Variants in GPR141 observed in about 807,000 individuals in gnomAD.
GPR141 encodes probable G protein-coupled receptor 141.
In GPR141, 6 loss-of-function variants were observed where a neutral mutation model predicts 6.8. The observed-to-expected ratio is 0.88, with a 90% CI of 0.48 to 1.74. GPR141 has a LOEUF of 1.74. Ranked by LOEUF, GPR141 falls within the 40% of genes most tolerant of loss-of-function variation. The probability of loss-of-function intolerance (pLI) is 0.01; values close to 1 mark genes in which losing one functional copy is unlikely to be tolerated. For synonymous variants in GPR141, 140 were observed against 142.3 expected (o/e 0.98, Z 0.11); for missense variants, 372 against 372.9 (o/e 1.00, Z 0.02).
intron 2 of GPR141, among the ~76,000 whole-genome samples, chr7:37,702,806 C>A (rs1434435535): frequency 4.2e-3 from 52 of 12,382 alleles, no homozygotes; most frequent in East Asian, 0.024. Context: ...CAGTTCAATT[C>A]AAAAAAAAAA....
chr7:37,723,284 T>G (rs761769924), intron 2 of GPR141, among the ~76,000 whole-genome samples: 13 of 152,080 alleles, frequency 8.5e-5, no homozygotes, highest in Non-Finnish European at 7.4e-5. Flanking sequence ...TGAGCCACCG[T>G]GCCTGGCCTA....
chr7:37,699,526 AC>A (rs1810180623), intron 2 of GPR141, among the ~76,000 whole-genome samples: 1 of 152,206 alleles, frequency 6.6e-6, no homozygotes, highest in African/African-American at 2.4e-5. Context: ...GTGCCACTGC[AC>A]TCCAGCCTGG....
intron 2 of GPR141, among the ~76,000 whole-genome samples, chr7:37,736,495 GAA>G (rs56403860): frequency 6.3e-4 from 82 of 129,412 alleles, no homozygotes; most frequent in African/African-American, 8.8e-4. Flanking sequence ...ATAAACAGAG[GAA>G]AAAAAAAAAA....
intron 2 of GPR141, among the ~76,000 whole-genome samples, chr7:37,700,395 A>G (rs1810226246): frequency 6.6e-6 from 1 of 152,216 alleles, no homozygotes; most frequent in Admixed American, 6.5e-5. Flanking sequence ...GGCAAAGCAT[A>G]GCATAATAAC....
rs903138531 is a variant in GPR141 at position 37,699,380 on chromosome 7, T to C, written c.-15+13797T>C. Among the ~76,000 whole-genome samples the C allele has an allele frequency of 1.3e-5, 2 of 152,142 alleles. 1 individual carries two copies. ...ATCAAGACCATCCTGGCTAACACGGTGAAACCCCATTTCTACTAAAAATAC... is the reference window on the plus strand; with the variant it reads ...ATCAAGACCATCCTGGCTAACACGGCGAAACCCCATTTCTACTAAAAATAC... On this transcript the variant is annotated intron_variant, in intron 2 of 2. Transcript: ENST00000334425.
At chr7:37,712,563 C>A (rs1810854125) in intron 2 of GPR141, among the ~76,000 whole-genome samples, 1 of 152,124 alleles carries the variant, frequency 6.6e-6, no homozygotes, top group Non-Finnish European at 1.5e-5. Flanking sequence ...GTCAAGAACA[C>A]CAGGTCATGA....
chr7:37,691,193 T>C (rs1809743523), intron 2 of GPR141, among the ~76,000 whole-genome samples: 1 of 151,772 alleles, frequency 6.6e-6, no homozygotes, highest in Non-Finnish European at 1.5e-5. Flanking sequence ...TTCTAGTCTA[T>C]CTGTATTATT....
At chr7:37,702,061 TTG>T in intron 2 of GPR141, among the ~76,000 whole-genome samples, 1 of 152,310 alleles carries the variant, frequency 6.6e-6, no homozygotes, top group South Asian at 2.1e-4. Context: ...CTTGTTTGGT[TTG>T]TGTTTTGTCA....
chr7:37,695,831 A>G (rs1809991696), intron 2 of GPR141, among the ~76,000 whole-genome samples: 1 of 152,230 alleles, frequency 6.6e-6, no homozygotes, highest in Non-Finnish European at 1.5e-5. Flanking sequence ...ATGTATATTG[A>G]CAAGCCAACA....
intron 2 of GPR141, among the ~76,000 whole-genome samples, chr7:37,688,390 C>T (rs1349852628): frequency 2.0e-5 from 3 of 152,028 alleles, no homozygotes; most frequent in African/African-American, 4.8e-5. Context: ...CAAGATTGCA[C>T]CATTCCACTT....
At chr7:37,736,618 A>G (rs186453578) in intron 2 of GPR141, among the ~76,000 whole-genome samples, 6 of 152,258 alleles carry the variant, frequency 3.9e-5, no homozygotes, top group African/African-American at 1.4e-4. Flanking sequence ...AGTCTCAATG[A>G]TGAAAGGCAA....
chr7:37,740,527 T>C lies in GPR141; in HGVS notation c.134T>C (p.Met45Thr). Residue 45 changes from methionine to threonine, a missense_variant, in exon 3 of 3, where the codon ATG becomes ACG. Coordinates refer to ENST00000334425, the MANE Select transcript of GPR141 (RefSeq NM_001381946.1). ...TCCATTCTTTTCCTCCTGGTGAAAATGAACACCCGGTCAGTGACCACCATG... is the reference window on the plus strand; with the variant it reads ...TCCATTCTTTTCCTCCTGGTGAAAACGAACACCCGGTCAGTGACCACCATG... ...VISILFLLVKMNTRSVTTMAV... is the reference protein window; with the variant it reads ...VISILFLLVKTNTRSVTTMAV... The C allele has an allele frequency of 6.2e-7, 1 of 1,614,040 alleles. No homozygotes were observed. The highest frequency in any genetic ancestry group is 8.5e-7 in the Non-Finnish European group (1 of 1,179,952).
chr7:37,724,284 AAT>A (rs1554344607), intron 2 of GPR141, among the ~76,000 whole-genome samples: 5 of 152,198 alleles, frequency 3.3e-5, no homozygotes, highest in Admixed American at 1.3e-4. Flanking sequence ...CTGCCTAAAA[AAT>A]ATATATATAC....
chr7:37,729,852 T>C (rs1025657173), intron 2 of GPR141: 1 of 152,206 alleles, frequency 6.6e-6, no homozygotes, highest in Non-Finnish European at 1.5e-5. Flanking sequence ...TTCCCTGGCT[T>C]CTTGTATTTG....
intron 2 of GPR141, among the ~76,000 whole-genome samples, chr7:37,715,379 C>T (rs78101166): frequency 0.026 from 3,908 of 152,278 alleles, 79 homozygotes; most frequent in Middle Eastern, 0.054. Flanking sequence ...ATCCTCCCAC[C>T]TCGGCCTCCC....
intron 2 of GPR141, among the ~76,000 whole-genome samples, chr7:37,689,197 G>T (rs1188259465): frequency 6.6e-6 from 1 of 151,960 alleles, no homozygotes; most frequent in African/African-American, 2.4e-5. Context: ...CAGATTTGTC[G>T]ATTTGCATAT....
intron 2 of GPR141, among the ~76,000 whole-genome samples, chr7:37,714,249 G>A (rs768539285): frequency 2.6e-5 from 4 of 151,968 alleles, no homozygotes; most frequent in Admixed American, 1.3e-4. Context: ...CAGGGACTGG[G>A]ATGCAGACTC....
chr7:37,741,286 T>C lies in GPR141; in HGVS notation c.893T>C (p.Leu298Ser), dbSNP rs777930630. ...TGGTTTAAGCAAAAGATAATTGGCTTATGGAATTGTGTTTTGTGCCGTTAG... is the reference window on the plus strand; with the variant it reads ...TGGTTTAAGCAAAAGATAATTGGCTCATGGAATTGTGTTTTGTGCCGTTAG... Reference protein sequence around the residue: ...SHWFKQKIIGLWNCVLCR With the variant: ...SHWFKQKIIGSWNCVLCR Residue 298 changes from leucine (L) to serine (S), a missense_variant, in exon 3 of 3, where the codon TTA (leucine) becomes TCA (serine). Physicochemically the swap from Leu to Ser is moderately radical, Grantham distance 145 (BLOSUM62 -2). Transcript: ENST00000334425. The C allele has an allele frequency of 1.9e-6, 3 of 1,595,928 alleles. No individual in the cohort carries two copies. In the East Asian group the frequency reaches 6.7e-5, roughly 36 times the overall value.
At chr7:37,697,695 G>A (rs118085916) in intron 2 of GPR141, among the ~76,000 whole-genome samples, 1 of 152,186 alleles carries the variant, frequency 6.6e-6, no homozygotes, top group Non-Finnish European at 1.5e-5. Flanking sequence ...TGACACTCAG[G>A]CACATTAAGG....
Sources: allele counts gnomAD v4.1 joint callset (sites outside exome capture counted in the v4.1 genomes callset), GRCh38; gene constraint gnomAD v4.1.1; transcripts MANE v1.5; gene names NCBI Gene and HGNC (gene_info 2026-07-23, HGNC 2026-07-21).